Variants in ARHGAP42 observed in about 807,000 individuals in gnomAD.
The protein encoded by ARHGAP42 is rho GTPase-activating protein 42.
Under a neutral mutation model 125.0 loss-of-function variants are expected in ARHGAP42, and 63 were observed. That is an observed-to-expected ratio of 0.50 (90% CI 0.41 to 0.62). The LOEUF is 0.62. ARHGAP42 is among the 20% of genes least tolerant of loss of function. ARHGAP42 has a pLI of 0.00. For synonymous variants in ARHGAP42, 339 were observed against 351.0 expected (o/e 0.97, Z 0.38); for missense variants, 766 against 1,024.2 (o/e 0.75, Z 3.44).
In ARHGAP42 at chr11:100,944,640, T is replaced by C. The variant is rs12281179; in HGVS notation, c.1043+772T>C. Among the ~76,000 whole-genome samples the C allele has an allele frequency of 7.8e-3, 1,178 of 151,954 alleles. 15 individuals are homozygous for C. The highest frequency in any genetic ancestry group is 0.026 in the African/African-American group (1,097 of 41,452). ...TAATAAAGCGAATATCATAATAAACTGAGTCACAGAAATTTCTGAGTTTCT... is the reference window on the plus strand; with the variant it reads ...TAATAAAGCGAATATCATAATAAACCGAGTCACAGAAATTTCTGAGTTTCT... On this transcript the variant is annotated intron_variant, in intron 10 of 23. Transcript: ENST00000298815.
chr11:100,765,935 A>G (rs1258174648), intron 1 of ARHGAP42, among the ~76,000 whole-genome samples: 6 of 152,230 alleles, frequency 3.9e-5, no homozygotes, highest in African/African-American at 7.2e-5. Flanking sequence ...AAGCAATTCC[A>G]TTAACACTTC....
intron 17 of ARHGAP42, among the ~76,000 whole-genome samples, chr11:100,968,245 C>T (rs796389464): frequency 1.3e-5 from 2 of 152,224 alleles, no homozygotes; most frequent in African/African-American, 2.4e-5. Flanking sequence ...TTTTAATTCA[C>T]TTTGATAATC....
intron 2 of ARHGAP42, among the ~76,000 whole-genome samples, chr11:100,790,147 G>C (rs978642518): frequency 2.6e-5 from 4 of 152,142 alleles, no homozygotes; most frequent in Non-Finnish European, 4.4e-5. Context: ...AAAAATAGTA[G>C]TGTGAATTTA....
At position 100,812,287 on chromosome 11, in the gene ARHGAP42, A is replaced by G. The variant is rs558131219; in HGVS notation, c.312+17121A>G. On this transcript the variant is annotated intron_variant, in intron 3 of 23. Coordinates refer to ENST00000298815, the MANE Select transcript of ARHGAP42 (RefSeq NM_152432.4). The stretch of plus-strand genomic sequence containing the variant: ...TTCATTTTTATTTACAAAACAGACG[A>G]AATTTATGGGATTTTATACCCAGAA... Among the ~76,000 whole-genome samples the G allele has an allele frequency of 5.7e-4, 87 of 152,352 alleles. No individual in the cohort carries two copies. In the Middle Eastern group the frequency reaches 0.01, roughly 18 times the overall value.
At chr11:100,935,326 G>A (rs1867703628) in intron 7 of ARHGAP42, among the ~76,000 whole-genome samples, 1 of 151,986 alleles carries the variant, frequency 6.6e-6, no homozygotes, top group African/African-American at 2.4e-5. Context: ...GTTAGAACTT[G>A]GAAACCTATT....
At chr11:100,712,094 A>C (rs903030977) in intron 1 of ARHGAP42, among the ~76,000 whole-genome samples, 1 of 152,108 alleles carries the variant, frequency 6.6e-6, no homozygotes, top group Non-Finnish European at 1.5e-5. Context: ...TTGCCTACCC[A>C]GCTCCCTTGC....
At chr11:100,938,272 C>A (rs537957376) in intron 8 of ARHGAP42, among the ~76,000 whole-genome samples, 1 of 152,122 alleles carries the variant, frequency 6.6e-6, no homozygotes, top group East Asian at 1.9e-4. Context: ...TCACCCTTTA[C>A]CTCCAGGCTT....
intron 1 of ARHGAP42, among the ~76,000 whole-genome samples, chr11:100,757,460 G>T (rs1171782705): frequency 1.3e-5 from 2 of 152,146 alleles, no homozygotes; most frequent in Non-Finnish European, 2.9e-5. Context: ...ATCCCATCAT[G>T]TGCATGTAAG....
chr11:100,785,298 C>T (rs1188137932), intron 2 of ARHGAP42, among the ~76,000 whole-genome samples: 1 of 152,140 alleles, frequency 6.6e-6, no homozygotes, highest in African/African-American at 2.4e-5. Context: ...CTCACAGAAT[C>T]AGGAGGCCGG....
chr11:100,961,631 A>T, intron 14 of ARHGAP42, 53 bp from the exon 15 acceptor site: 2 of 1,476,214 alleles, frequency 1.4e-6, no homozygotes, highest in Non-Finnish European at 1.8e-6. Context: ...TCATAATTGC[A>T]TAAGAAATAT....
At chr11:100,744,328 T>C (rs1862250959) in intron 1 of ARHGAP42, among the ~76,000 whole-genome samples, 1 of 152,218 alleles carries the variant, frequency 6.6e-6, no homozygotes, top group Admixed American at 6.5e-5. Flanking sequence ...TACCTTTCTC[T>C]GATATCTCCT....
chr11:100,976,852 T>G lies in ARHGAP42; in HGVS notation c.2274T>G (p.Thr758=). The part of the protein sequence containing the change: ...KSYSGSIQSL[T]SVGSKETPKA... ...ACAGTGGATCTATTCAAAGCTTAAC[T>G]TCTGTAGGTTCCAAGGAGACACCCA... Residue 758 remains threonine (T), a synonymous_variant, in exon 21 of 24, where the codon ACT becomes ACG. Transcript: ENST00000298815. The G allele has an allele frequency of 6.4e-7, 1 of 1,551,260 alleles. No homozygotes were observed. Among genetic ancestry groups the G allele is most frequent in the Non-Finnish European group, 8.7e-7 (1 of 1,146,842 alleles).
At chr11:100,762,226 C>A (rs999114260) in intron 1 of ARHGAP42, among the ~76,000 whole-genome samples, 1 of 152,192 alleles carries the variant, frequency 6.6e-6, no homozygotes, top group Non-Finnish European at 1.5e-5. Context: ...CTGCCTAAAG[C>A]TAGGCTAACT....
intron 19 of ARHGAP42, among the ~76,000 whole-genome samples, chr11:100,975,440 C>A (rs1020936013): frequency 2.6e-5 from 4 of 152,094 alleles, no homozygotes; most frequent in African/African-American, 4.8e-5. Context: ...TTTCTTATAA[C>A]TTGCTTTTAG....
intron 1 of ARHGAP42, among the ~76,000 whole-genome samples, chr11:100,754,404 T>C (rs549528283): frequency 9.8e-4 from 150 of 152,346 alleles, no homozygotes; most frequent in Non-Finnish European, 1.7e-3. Context: ...GTGCTTACTT[T>C]ATGATTCTCA....
At chr11:100,958,839 G>A (rs973537411) in intron 12 of ARHGAP42, among the ~76,000 whole-genome samples, 6 of 151,984 alleles carry the variant, frequency 3.9e-5, no homozygotes, top group African/African-American at 1.4e-4. Flanking sequence ...ACGCCTTTCT[G>A]TCAATCAATT....
intron 1 of ARHGAP42, among the ~76,000 whole-genome samples, chr11:100,702,725 G>T (rs1448033948): frequency 4.0e-5 from 6 of 148,480 alleles, no homozygotes; most frequent in African/African-American, 1.5e-4. Flanking sequence ...AGGCTGAAGT[G>T]CAATGGCACG....
Position 100,973,282 on chromosome 11 carries a change from A to G in ARHGAP42, c.1658A>G (p.Asn553Ser), listed in dbSNP as rs1266635632. Residue 553 changes from asparagine (N) to serine (S), a missense_variant, in exon 18 of 24, where the codon AAT (asparagine) becomes AGT (serine). Around this residue, in one of 3 missense-constraint regions of ARHGAP42, gnomAD observed 3 missense variants for 18.0 expected, o/e 0.17. Coordinates refer to ENST00000298815, the MANE Select transcript of ARHGAP42 (RefSeq NM_152432.4). Reference sequence around the variant, plus strand: ...GAAGAAACTGTGGCTGCTATGATGAATATTAAATTTCAGAATATTGTGGTA... The same window carrying G: ...GAAGAAACTGTGGCTGCTATGATGAGTATTAAATTTCAGAATATTGTGGTA... ...AQEETVAAMM[N>S]IKFQNIVVEI... is the part of the protein sequence containing the mutation. 2.6e-6 allele frequency: 4 copies of G among 1,551,052 alleles called. No individual in the cohort carries two copies. The South Asian group carries it at 3.6e-5, about 14-fold the overall frequency.
At chr11:100,896,494 A>G (rs1415841086) in intron 4 of ARHGAP42, among the ~76,000 whole-genome samples, 2 of 152,218 alleles carry the variant, frequency 1.3e-5, no homozygotes, top group Non-Finnish European at 2.9e-5. Context: ...CATCCTGTCC[A>G]GGATCTGTTG....
Sources: gnomAD v4.1 joint callset for allele counts (sites outside exome capture counted in the v4.1 genomes callset) on GRCh38, gnomAD v4.1.1 for gene constraint, gnomAD v4.1.1 regional missense constraint, MANE v1.5 for transcripts, NCBI Gene and HGNC (gene_info 2026-07-23, HGNC 2026-07-21) for gene names.